Variants in XPO6 observed in about 807,000 individuals in gnomAD.
XPO6 encodes exportin 6.
XPO6 carries 3 observed loss-of-function variants against 130.0 expected under a neutral mutation model. The ratio of observed to expected loss-of-function variants is 0.02; its 90% confidence interval spans 0.01 to 0.06. XPO6 has a LOEUF of 0.06. Ranked by LOEUF, XPO6 falls within the 10% of genes least tolerant of loss-of-function variation. The probability of loss-of-function intolerance (pLI) is 1.00; values close to 1 mark genes in which losing one functional copy is unlikely to be tolerated. For missense variants in XPO6, 970 were observed against 1,393.0 expected (o/e 0.70, Z 4.83); for synonymous variants, 524 against 548.9 (o/e 0.95, Z 0.63).
chr16:28,107,927 C>A (rs2086823240), intron 17 of XPO6, among the ~76,000 whole-genome samples: 1 of 152,128 alleles, frequency 6.6e-6, no homozygotes, highest in Non-Finnish European at 1.5e-5. Flanking sequence ...GCCTGCCTGC[C>A]TGCTTGCTCA....
intron 13 of XPO6, among the ~76,000 whole-genome samples, chr16:28,123,011 C>T (rs1284916933): frequency 6.6e-6 from 1 of 152,064 alleles, no homozygotes; most frequent in African/African-American, 2.4e-5. Flanking sequence ...CAAGGGCTCA[C>T]TGGATACTAA....
chr16:28,122,394 G>C (rs1283289189), intron 13 of XPO6, among the ~76,000 whole-genome samples: 2 of 152,112 alleles, frequency 1.3e-5, no homozygotes, highest in Admixed American at 6.5e-5. Flanking sequence ...GGCCAAGGTG[G>C]GAGGATCACT....
At position 28,177,289 on chromosome 16, in the gene XPO6, T is replaced by C; in HGVS notation, c.138A>G (p.Arg46=). 6.2e-7 allele frequency: 1 copy of C among 1,613,192 alleles called. No homozygotes were observed. Among genetic ancestry groups the C allele is most frequent in the Admixed American group, 1.7e-5 (1 of 59,960 alleles). ...TGCTGGAGAGAAAGTACAGGCAGAA[T>C]CTCCAGGCTCCTATTTGCTGGGCAA... ...NNFAQQIGAW[R]FCLYFLSSTR... is the part of the protein sequence containing the mutation. Residue 46 remains arginine (R), a synonymous_variant, in exon 3 of 24, where the codon AGA becomes AGG. Transcript: ENST00000304658.
rs75406883 is a variant in XPO6 at position 28,142,315 on chromosome 16, C to A, written c.1334+3779G>T. Among the ~76,000 whole-genome samples, 1,044 of 152,296 alleles carry A rather than the reference C, an allele frequency of 6.9e-3. 4 individuals are homozygous for A. Among genetic ancestry groups the A allele is most frequent in the African/African-American group, 0.018 (732 of 41,552 alleles). ...AAGCCAGTGTTCTTCAGCAGCTGCT[C>A]CTGCAAAACAGCATATCTCTGATAT... On this transcript the variant is annotated intron_variant, in intron 9 of 23. Transcript: ENST00000304658.
chr16:28,112,757 G>A, intron 16 of XPO6, 147 bp downstream of exon 16: 4 of 1,046,556 alleles, frequency 3.8e-6, no homozygotes, highest in Non-Finnish European at 5.3e-6. Context: ...CTGAGTCTGT[G>A]TCAGTGCCAC....
chr16:28,113,886 T>A (rs1382461192), intron 15 of XPO6, among the ~76,000 whole-genome samples: 1 of 152,130 alleles, frequency 6.6e-6, no homozygotes, highest in African/African-American at 2.4e-5. Flanking sequence ...TTTTCAAAGT[T>A]ATAATTATAA....
At chr16:28,153,539 C>G (rs946021360) in intron 7 of XPO6, 1 of 985,380 alleles carries the variant, frequency 1.0e-6, no homozygotes, top group Non-Finnish European at 1.2e-6. Flanking sequence ...TTTGTATTCA[C>G]AAAATCATTT....
intron 20 of XPO6, chr16:28,105,803 C>T: frequency 1.8e-6 from 1 of 551,106 alleles, no homozygotes; most frequent in Non-Finnish European, 3.0e-6. Context: ...GGAGACTGAT[C>T]TTAGCAACTG....
chr16:28,187,904 C>G (rs1349013936), intron 1 of XPO6, among the ~76,000 whole-genome samples: 1 of 151,918 alleles, frequency 6.6e-6, no homozygotes, highest in African/African-American at 2.4e-5. Flanking sequence ...CACGCAGATT[C>G]AATCTGTGTT....
intron 3 of XPO6, 138 bp from the exon 4 acceptor site, chr16:28,176,233 G>T (rs780689435): frequency 5.4e-6 from 4 of 737,486 alleles, no homozygotes; most frequent in South Asian, 1.9e-5. Context: ...ATGGCAATAA[G>T]AATAATAAAA....
chr16:28,123,513 G>T (rs1016189128), intron 13 of XPO6, among the ~76,000 whole-genome samples: 3 of 152,180 alleles, frequency 2.0e-5, no homozygotes, highest in African/African-American at 7.2e-5. Flanking sequence ...GGAAGGCAGT[G>T]TTTGTCTTTG....
intron 13 of XPO6, among the ~76,000 whole-genome samples, chr16:28,122,785 TA>T (rs1017689996): frequency 4.6e-5 from 7 of 151,918 alleles, no homozygotes; most frequent in African/African-American, 1.7e-4. Context: ...TGATACATAA[TA>T]AAAAAAATAC....
Position 28,106,015 on chromosome 16 carries a change from C to T in XPO6, c.2784+28G>A, listed in dbSNP as rs116102452. The T allele has an allele frequency of 3.5e-3, 5,679 of 1,601,760 alleles. 184 individuals carry two copies. The African/African-American group carries it at 0.068, about 19-fold the overall frequency. ...CTTCCCAATCTGGAGATGGGGGGTG[C>T]TGCACAGGGGACCGTCTGAGCCCCT... On this transcript the variant is annotated intron_variant, in intron 20 of 23. Transcript: ENST00000304658. This position sits in a 1 kb window ranked among gnomAD's most constrained non-coding sequence, Gnocchi z 4.2.
At chr16:28,143,326 G>C (rs1243016282) in intron 9 of XPO6, among the ~76,000 whole-genome samples, 1 of 152,176 alleles carries the variant, frequency 6.6e-6, no homozygotes, top group East Asian at 1.9e-4. Flanking sequence ...CATTGCTGTT[G>C]TCATCACTGT....
intron 3 of XPO6, among the ~76,000 whole-genome samples, chr16:28,176,674 T>TTG (rs1211002511): frequency 1.3e-5 from 2 of 151,588 alleles, no homozygotes; most frequent in African/African-American, 4.8e-5. Context: ...ATTTTTTTTT[T>TTG]TTTTTTTGCA....
chr16:28,171,501 C>T (rs1052694296), intron 4 of XPO6, among the ~76,000 whole-genome samples: 1 of 151,456 alleles, frequency 6.6e-6, no homozygotes, highest in Non-Finnish European at 1.5e-5. Context: ...AGGGTACATT[C>T]CTTTCCCTTA....
chr16:28,106,853 A>C lies in XPO6; in HGVS notation c.2498-356T>G. ...CAACTGGGTCAACACCTGAGTGCTT[A>C]AGCCATTTCCCCCTATGACTAATAA... On this transcript the variant is annotated intron_variant, in intron 18 of 23. Transcript: ENST00000304658. This position sits in a 1 kb window ranked among gnomAD's most constrained non-coding sequence, Gnocchi z 4.2. Among the ~76,000 whole-genome samples the C allele has an allele frequency of 6.6e-6, 1 of 152,222 alleles. No homozygotes were observed. Among genetic ancestry groups the C allele is most frequent in the East Asian group, 1.9e-4 (1 of 5,200 alleles).
intron 5 of XPO6, among the ~76,000 whole-genome samples, chr16:28,167,884 A>G (rs2043382088): frequency 6.7e-6 from 1 of 150,050 alleles, no homozygotes; most frequent in South Asian, 2.1e-4. Context: ...AAATCCATAG[A>G]GACAGACTAA....
chr16:28,149,322 G>A (rs768124853), intron 8 of XPO6, among the ~76,000 whole-genome samples: 105 of 152,322 alleles, frequency 6.9e-4, no homozygotes, highest in Non-Finnish European at 1.2e-3. Context: ...TGGAGGCGCT[G>A]GCGGCAGGGC....
Sources: allele counts gnomAD v4.1 joint callset (sites outside exome capture counted in the v4.1 genomes callset), GRCh38; gene constraint gnomAD v4.1.1; non-coding constraint Gnocchi (gnomAD v3.1); transcripts MANE v1.5; gene names NCBI Gene and HGNC (gene_info 2026-07-23, HGNC 2026-07-21).